The following IQGAP2 variants were observed in gnomAD, a reference collection of about 807,000 sequenced individuals.
IQGAP2 encodes the protein IQ motif containing GTPase activating protein 2.
Under a neutral mutation model 201.3 loss-of-function variants are expected in IQGAP2, and 173 were observed. That is an observed-to-expected ratio of 0.86 (90% confidence interval 0.76 to 0.98). IQGAP2 has a LOEUF of 0.98. Ranked by LOEUF, IQGAP2 falls within the 50% of genes least tolerant of loss-of-function variation. The pLI, the probability that IQGAP2 is intolerant of heterozygous loss-of-function variation, is 0.00. For synonymous variants in IQGAP2, 675 were observed against 673.9 expected (o/e 1.00, Z -0.03); for missense variants, 1,687 against 1,864.8 (o/e 0.90, Z 1.76).
chr5:76,651,208 T>C (rs1203859042), intron 17 of IQGAP2, among the ~76,000 whole-genome samples: 2 of 152,330 alleles, frequency 1.3e-5, no homozygotes, highest in South Asian at 4.2e-4. Context: ...GCTCTGCCTC[T>C]TCCTCTTTCA....
intron 2 of IQGAP2, among the ~76,000 whole-genome samples, chr5:76,555,151 G>C (rs1743850127): frequency 6.6e-6 from 1 of 152,156 alleles, no homozygotes; most frequent in Non-Finnish European, 1.5e-5. Flanking sequence ...GGGGTAAATG[G>C]AGAATGACTG....
At chr5:76,563,352 TC>T (rs1744515420) in intron 3 of IQGAP2, among the ~76,000 whole-genome samples, 1 of 152,174 alleles carries the variant, frequency 6.6e-6, no homozygotes, top group Admixed American at 6.5e-5. Context: ...GTAATAAAAA[TC>T]CCGATTTTTT....
chr5:76,612,688 C>CAA lies in IQGAP2; in HGVS notation c.1521+1514_1521+1515dup, dbSNP rs35347756. 9.4e-5 allele frequency among the ~76,000 whole-genome samples: 14 copies of CAA among 149,012 alleles called. No homozygotes were observed. In the South Asian group the frequency reaches 1.1e-3, roughly 11 times the overall value. ...GAAAAACAACCTAAATGTTGTTAAG[C>CAA]AAAAAAAAAATCATGCTGTGATGTG... On this transcript the variant is annotated intron_variant, in intron 13 of 35. Coordinates refer to ENST00000274364, the MANE Select transcript of IQGAP2 (RefSeq NM_006633.5).
chr5:76,442,581 T>C (rs1409090772), intron 1 of IQGAP2, among the ~76,000 whole-genome samples: 1 of 152,234 alleles, frequency 6.6e-6, no homozygotes, highest in Non-Finnish European at 1.5e-5. Context: ...TCGTGCTACC[T>C]TGCCCAGGGA....
At chr5:76,660,090 A>C (rs1195721901) in intron 21 of IQGAP2, 3 of 109,652 alleles carry the variant, frequency 2.7e-5, no homozygotes, top group African/African-American at 1.1e-4. Context: ...AGAAGGCTAC[A>C]GTGGCTCATA....
intron 11 of IQGAP2, among the ~76,000 whole-genome samples, chr5:76,602,310 A>G (rs577827064): frequency 1.3e-5 from 2 of 152,286 alleles, no homozygotes; most frequent in Admixed American, 6.5e-5. Context: ...TCCCTTATGA[A>G]GCTTACAGGC....
chr5:76,699,078 CTG>C (rs1747018008), intron 33 of IQGAP2, among the ~76,000 whole-genome samples: 1 of 152,084 alleles, frequency 6.6e-6, no homozygotes, highest in African/African-American at 2.4e-5. Flanking sequence ...CAAAAAAAAA[CTG>C]ATTCCTCCTA....
intron 13 of IQGAP2, chr5:76,617,723 G>A (rs1749125329): frequency 8.7e-6 from 14 of 1,614,088 alleles, no homozygotes; most frequent in Non-Finnish European, 1.2e-5. Flanking sequence ...TGTTGTAGTA[G>A]TAGTTAGCAT....
intron 18 of IQGAP2, 97 bp from the exon 19 acceptor site, chr5:76,654,103 A>G (rs1752721038): frequency 1.3e-6 from 1 of 771,894 alleles, no homozygotes; most frequent in South Asian, 1.8e-5. Context: ...TTGTTTTTAG[A>G]AAAACTACAC....
Position 76,686,562 on chromosome 5 carries a change from T to G in IQGAP2, c.3905+2645T>G, listed in dbSNP as rs183602236. ...TCTCGCTCTGTCGCCCAGGCTGGAG[T>G]GCAGTGGCATGATCTCGGGTCACTG... On this transcript the variant is annotated intron_variant, in intron 30 of 35. Coordinates refer to ENST00000274364, the MANE Select transcript of IQGAP2 (RefSeq NM_006633.5). Among the ~76,000 whole-genome samples the G allele has an allele frequency of 3.3e-3, 500 of 152,296 alleles. 4 individuals are homozygous for G. The highest frequency in any genetic ancestry group is 0.011 in the African/African-American group (463 of 41,540).
intron 30 of IQGAP2, among the ~76,000 whole-genome samples, chr5:76,692,584 A>G (rs2150535876): frequency 6.6e-6 from 1 of 152,248 alleles, no homozygotes; most frequent in East Asian, 1.9e-4. Flanking sequence ...ATGCCTCCCT[A>G]GGAAGTGGTG....
intron 3 of IQGAP2, among the ~76,000 whole-genome samples, chr5:76,563,721 A>G (rs1328318469): frequency 6.6e-6 from 1 of 151,786 alleles, no homozygotes; most frequent in Non-Finnish European, 1.5e-5. Flanking sequence ...TATTTTTTTA[A>G]TGCATTCAGT....
intron 2 of IQGAP2, among the ~76,000 whole-genome samples, chr5:76,560,311 C>A (rs143341070): frequency 6.2e-5 from 9 of 145,578 alleles, no homozygotes; most frequent in Non-Finnish European, 1.5e-5. Context: ...AACCACCATG[C>A]CTGGCTCTTT....
At chr5:76,508,705 T>TTTTG (rs1561425498) in intron 2 of IQGAP2, among the ~76,000 whole-genome samples, 4 of 151,488 alleles carry the variant, frequency 2.6e-5, no homozygotes, top group Admixed American at 6.6e-5. Flanking sequence ...GTTTTGTTTT[T>TTTTG]TTTTTTTTAA....
chr5:76,585,225 TCAG>T (rs1364787904), intron 5 of IQGAP2, among the ~76,000 whole-genome samples: 2 of 152,188 alleles, frequency 1.3e-5, no homozygotes, highest in East Asian at 3.9e-4. Context: ...TATTAAAACT[TCAG>T]CAGGATATTA....
intron 1 of IQGAP2, among the ~76,000 whole-genome samples, chr5:76,419,300 T>G (rs1751586258): frequency 6.6e-6 from 1 of 151,780 alleles, no homozygotes; most frequent in African/African-American, 2.4e-5. Context: ...ATTAAAAAAA[T>G]ATTTTTTGGT....
At chr5:76,695,195 C>G (rs567747047) in intron 31 of IQGAP2, among the ~76,000 whole-genome samples, 1 of 152,306 alleles carries the variant, frequency 6.6e-6, no homozygotes, top group African/African-American at 2.4e-5. Context: ...TAAAATATGT[C>G]CATTACTATA....
At chr5:76,643,078 G>A (rs1454302137) in intron 17 of IQGAP2, among the ~76,000 whole-genome samples, 1 of 152,162 alleles carries the variant, frequency 6.6e-6, no homozygotes, top group Non-Finnish European at 1.5e-5. Flanking sequence ...AAAAAGGAAT[G>A]TAACTTGTAA....
At chr5:76,662,846 G>A (rs891132132) in intron 21 of IQGAP2, among the ~76,000 whole-genome samples, 1 of 152,098 alleles carries the variant, frequency 6.6e-6, no homozygotes, top group African/African-American at 2.4e-5. Flanking sequence ...AAATGTTATC[G>A]GAATGTAAAT....
Sources: allele counts gnomAD v4.1 joint callset (sites outside exome capture counted in the v4.1 genomes callset), GRCh38; gene constraint gnomAD v4.1.1; transcripts MANE v1.5; gene names NCBI Gene and HGNC (gene_info 2026-07-23, HGNC 2026-07-21).